The following UBTD2 variants were observed in gnomAD, a reference collection of about 807,000 sequenced individuals.
UBTD2 encodes ubiquitin domain-containing protein 2.
Under a neutral mutation model 19.8 loss-of-function variants are expected in UBTD2, and 9 were observed. That is an observed-to-expected ratio of 0.46 (90% CI 0.27 to 0.79). UBTD2 has a LOEUF of 0.79. Ranked by LOEUF, UBTD2 falls within the 30% of genes least tolerant of loss-of-function variation. UBTD2 has a pLI of 0.14. For synonymous variants in UBTD2, 98 were observed against 103.9 expected (o/e 0.94, Z 0.35); for missense variants, 250 against 300.4 (o/e 0.83, Z 1.24).
chr5:172,218,775 C>CAAAAAAA (rs1196929218), intron 2 of UBTD2, among the ~76,000 whole-genome samples: 2 of 50,464 alleles, frequency 4.0e-5, no homozygotes, highest in South Asian at 6.6e-4. Flanking sequence ...ACCCTGTCAC[C>CAAAAAAA]AAAAAAAAAA....
chr5:172,275,662 C>T (rs1185228362), intron 1 of UBTD2, among the ~76,000 whole-genome samples: 6 of 152,078 alleles, frequency 3.9e-5, no homozygotes, highest in Admixed American at 6.6e-5. Context: ...ACTTTTACAC[C>T]TTCAGTCAAC....
intron 2 of UBTD2, among the ~76,000 whole-genome samples, chr5:172,227,479 T>A (rs1268312689): frequency 1.3e-5 from 2 of 152,064 alleles, no homozygotes; most frequent in Non-Finnish European, 2.9e-5. Context: ...TGTAAATATA[T>A]CTTCATGCCT....
intron 2 of UBTD2, among the ~76,000 whole-genome samples, chr5:172,227,044 G>C (rs1771780924): frequency 6.6e-6 from 1 of 152,194 alleles, no homozygotes. Context: ...GGATAACGGA[G>C]CAGACTAGAA....
intron 2 of UBTD2, among the ~76,000 whole-genome samples, chr5:172,223,076 T>G (rs972259528): frequency 6.6e-6 from 1 of 152,006 alleles, no homozygotes; most frequent in East Asian, 1.9e-4. Flanking sequence ...AACCAAATGA[T>G]GGGTTAGATT....
At chr5:172,216,537 G>A (rs1771544939) in intron 2 of UBTD2, among the ~76,000 whole-genome samples, 1 of 124,326 alleles carries the variant, frequency 8.0e-6, no homozygotes, top group Non-Finnish European at 1.6e-5. Flanking sequence ...AGGACTGCTT[G>A]AGCCCATGAG....
chr5:172,228,465 A>G (rs1224963389), intron 2 of UBTD2, among the ~76,000 whole-genome samples: 1 of 152,226 alleles, frequency 6.6e-6, no homozygotes, highest in Non-Finnish European at 1.5e-5. Context: ...TCATGCTTGT[A>G]ATCCCAGCAC....
intron 1 of UBTD2, chr5:172,255,050 G>A: frequency 1.9e-6 from 1 of 517,120 alleles, no homozygotes; most frequent in Non-Finnish European, 3.8e-6. Flanking sequence ...GGAGAGGGCA[G>A]CTGCCATCAT....
intron 2 of UBTD2, among the ~76,000 whole-genome samples, chr5:172,226,393 T>C (rs1343011449): frequency 6.6e-6 from 1 of 151,654 alleles, no homozygotes; most frequent in Non-Finnish European, 1.5e-5. Context: ...GGTGAGTCTG[T>C]TTCCTCAAGA....
chr5:172,275,308 A>ATC (rs139360781), intron 1 of UBTD2, among the ~76,000 whole-genome samples: 2,778 of 152,254 alleles, frequency 0.018, 69 homozygotes, highest in African/African-American at 0.063. Flanking sequence ...CCCACTGGGT[A>ATC]TCTCCCATGA....
intron 1 of UBTD2, among the ~76,000 whole-genome samples, chr5:172,278,748 A>G (rs576148405): frequency 5.1e-4 from 78 of 152,232 alleles, no homozygotes; most frequent in African/African-American, 1.7e-3. Flanking sequence ...TGAGACGGTA[A>G]TTGTTATATG....
chr5:172,245,474 A>G (rs1754859640), intron 1 of UBTD2, among the ~76,000 whole-genome samples: 1 of 152,198 alleles, frequency 6.6e-6, no homozygotes, highest in Non-Finnish European at 1.5e-5. Flanking sequence ...TCTGTTTGGG[A>G]TGCCAAGACA....
chr5:172,273,363 G>A (rs1755536949), intron 1 of UBTD2, among the ~76,000 whole-genome samples: 1 of 152,082 alleles, frequency 6.6e-6, no homozygotes, highest in East Asian at 1.9e-4. Flanking sequence ...AGCCAAGGCG[G>A]GTGGATCACC....
chr5:172,262,549 C>T (rs1259666190), intron 1 of UBTD2, among the ~76,000 whole-genome samples: 1 of 151,382 alleles, frequency 6.6e-6, no homozygotes, highest in Non-Finnish European at 1.5e-5. Flanking sequence ...TGGTGGCTCA[C>T]ATCTGTAATC....
At position 172,272,502 on chromosome 5, in the gene UBTD2, G is replaced by GA. The variant is rs1491358471; in HGVS notation, c.70+11093dup. On this transcript the variant is annotated intron_variant, in intron 1 of 2. Coordinates refer to ENST00000393792, the MANE Select transcript of UBTD2 (RefSeq NM_152277.3). ...AGGTGGTCTGCAGTAAGGAAAAAAT[G>GA]AGAGTCATTAAATCAGCAAATTGAT... Among the ~76,000 whole-genome samples the GA allele has an allele frequency of 6.8e-5, 10 of 148,110 alleles. No individual in the cohort carries two copies. In the South Asian group the frequency reaches 1.0e-3, roughly 15 times the overall value.
intron 1 of UBTD2, among the ~76,000 whole-genome samples, chr5:172,247,303 TG>T (rs1754901491): frequency 6.6e-6 from 1 of 151,848 alleles, no homozygotes; most frequent in Non-Finnish European, 1.5e-5. Flanking sequence ...CAAGAAGACA[TG>T]GCAATATTAA....
intron 1 of UBTD2, among the ~76,000 whole-genome samples, chr5:172,234,622 C>T (rs1169473224): frequency 6.6e-6 from 1 of 152,130 alleles, no homozygotes; most frequent in Admixed American, 6.6e-5. Flanking sequence ...AAAAGAATTA[C>T]AGGCTGAGTG....
At chr5:172,254,937 C>T (rs931525729) in intron 1 of UBTD2, 2 of 522,184 alleles carry the variant, frequency 3.8e-6, no homozygotes, top group South Asian at 3.6e-5. Context: ...CTCAAGGAGA[C>T]CATGAGAGGC....
chr5:172,219,486 C>G (rs1038918031), intron 2 of UBTD2, among the ~76,000 whole-genome samples: 2 of 152,188 alleles, frequency 1.3e-5, no homozygotes, highest in Non-Finnish European at 2.9e-5. Context: ...GCTGTATACA[C>G]CACCTGCCCA....
At chr5:172,228,673 A>T (rs926863965) in intron 2 of UBTD2, among the ~76,000 whole-genome samples, 1 of 152,010 alleles carries the variant, frequency 6.6e-6, no homozygotes, top group Non-Finnish European at 1.5e-5. Flanking sequence ...GTGAGCTAAG[A>T]TCGCACCACT....
Sources: allele counts gnomAD v4.1 joint callset (sites outside exome capture counted in the v4.1 genomes callset), GRCh38; gene constraint gnomAD v4.1.1; transcripts MANE v1.5; gene names NCBI Gene and HGNC (gene_info 2026-07-23, HGNC 2026-07-21).